PRKG1: variants seen among roughly 807,000 people sequenced by gnomAD.
PRKG1 encodes cGMP-dependent protein kinase 1.
PRKG1 carries 35 observed loss-of-function variants against 88.1 expected under a neutral mutation model. That is an observed-to-expected ratio of 0.40 (90% CI 0.30 to 0.53). PRKG1 has a LOEUF of 0.53. Among genes scored for constraint, PRKG1 ranks in the 20% least tolerant of loss-of-function variants. PRKG1 has a pLI of 0.59. For synonymous variants in PRKG1, 303 were observed against 292.5 expected, an observed-to-expected ratio of 1.04 and a Z score of -0.37; for missense variants, 540 against 839.8, an observed-to-expected ratio of 0.64 and a Z score of 4.41.
intron 3 of PRKG1, among the ~76,000 whole-genome samples, chr10:51,654,557 A>AAC (rs147782906): frequency 3.0e-3 from 458 of 151,408 alleles, no homozygotes; most frequent in South Asian, 4.2e-3. Context: ...AGGAAAGAAA[A>AAC]ACACACACAC....
chr10:51,738,710 A>T lies in PRKG1; in HGVS notation c.593-65875A>T, dbSNP rs936831272. Among the ~76,000 whole-genome samples, 3 of 152,266 alleles carry T rather than the reference A, an allele frequency of 2.0e-5. No individual in the cohort carries two copies. In the South Asian group the frequency reaches 6.2e-4, roughly 32 times the overall value. On this transcript the variant is annotated intron_variant, in intron 3 of 17. Coordinates refer to ENST00000373980, the MANE Select transcript of PRKG1 (RefSeq NM_006258.4). Reference sequence around the variant, plus strand: ...TCTGTGTCCCTTGGCAAATCATAGCATCTCTGGGACTCCATTTATTGGACT... The same window carrying T: ...TCTGTGTCCCTTGGCAAATCATAGCTTCTCTGGGACTCCATTTATTGGACT...
chr10:51,363,908 T>C (rs1222625156), intron 2 of PRKG1, among the ~76,000 whole-genome samples: 6 of 151,998 alleles, frequency 3.9e-5, no homozygotes, highest in Admixed American at 3.9e-4. Context: ...GCATACTAAA[T>C]AATAATCAAA....
At chr10:52,070,520 G>GT (rs201293219) in intron 7 of PRKG1, among the ~76,000 whole-genome samples, 115 of 151,854 alleles carry the variant, frequency 7.6e-4, no homozygotes, top group African/African-American at 2.5e-3. Flanking sequence ...TGAGAATGCA[G>GT]TTTTTTTTCA....
chr10:51,478,290 T>C (rs1359730141), intron 3 of PRKG1, among the ~76,000 whole-genome samples: 1 of 152,110 alleles, frequency 6.6e-6, no homozygotes, highest in African/African-American at 2.4e-5. Context: ...TATCTTAAGA[T>C]GCAGCCTGGA....
chr10:52,009,726 A>AG (rs1435491802), intron 5 of PRKG1, among the ~76,000 whole-genome samples: 2 of 152,200 alleles, frequency 1.3e-5, no homozygotes, highest in East Asian at 3.8e-4. Flanking sequence ...GGCAATCATA[A>AG]GGAAAAAGAA....
chr10:52,025,591 C>T (rs1050219745), intron 5 of PRKG1, among the ~76,000 whole-genome samples: 5 of 151,994 alleles, frequency 3.3e-5, no homozygotes, highest in African/African-American at 1.2e-4. Flanking sequence ...AGGTTCCTTT[C>T]CCCATTTCTT....
chr10:52,053,231 T>C (rs377396136), intron 5 of PRKG1, among the ~76,000 whole-genome samples: 4 of 112,286 alleles, frequency 3.6e-5, no homozygotes, highest in South Asian at 3.0e-4. Context: ...TAAGAAATAC[T>C]TTTTTATTTA....
intron 1 of PRKG1, among the ~76,000 whole-genome samples, chr10:51,058,584 AG>A (rs898746434): frequency 2.0e-5 from 3 of 152,132 alleles, no homozygotes; most frequent in African/African-American, 7.2e-5. Context: ...TTGCTTCTCT[AG>A]GTTTGTATAA....
chr10:51,423,438 G>A (rs1238486973), intron 2 of PRKG1, among the ~76,000 whole-genome samples: 1 of 151,884 alleles, frequency 6.6e-6, no homozygotes, highest in Non-Finnish European at 1.5e-5. Flanking sequence ...CCAAAAATAG[G>A]CATCTATCCT....
rs566028697 is a variant in PRKG1 at position 51,595,933 on chromosome 10, C to T, written c.592+128097C>T. Among the ~76,000 whole-genome samples, 67 of 152,114 alleles carry T rather than the reference C, an allele frequency of 4.4e-4. No homozygotes were observed. The East Asian group carries it at 6.6e-3, about 15-fold the overall frequency. On this transcript the variant is annotated intron_variant, in intron 3 of 17. Coordinates refer to ENST00000373980, the MANE Select transcript of PRKG1 (RefSeq NM_006258.4). ...CACTGCAACCTCTGCCGGATTCAAG[C>T]GATTCTCCTGCCTCAGACTCCTGTG...
intron 2 of PRKG1, among the ~76,000 whole-genome samples, chr10:51,354,910 ACAGTTATAGG>A (rs1472078930): frequency 6.6e-6 from 1 of 152,042 alleles, no homozygotes; most frequent in East Asian, 1.9e-4. Flanking sequence ...TCAGATGCTG[ACAGTTATAGG>A]GAGGACCCTC....
At chr10:52,184,492 G>A (rs1323973088) in intron 9 of PRKG1, among the ~76,000 whole-genome samples, 1 of 152,116 alleles carries the variant, frequency 6.6e-6, no homozygotes, top group Non-Finnish European at 1.5e-5. Flanking sequence ...TCATAGGCTT[G>A]TTTTATAAGC....
intron 1 of PRKG1, among the ~76,000 whole-genome samples, chr10:51,059,886 G>T (rs1421038905): frequency 1.3e-5 from 2 of 151,948 alleles, no homozygotes; most frequent in Non-Finnish European, 2.9e-5. Context: ...GCCTGCCTAG[G>T]TCTATCACTT....
At chr10:51,609,882 G>C (rs1184009063) in intron 3 of PRKG1, among the ~76,000 whole-genome samples, 1 of 152,102 alleles carries the variant, frequency 6.6e-6, no homozygotes, top group Non-Finnish European at 1.5e-5. Flanking sequence ...TATAGGTAAT[G>C]CATGCTGGGC....
chr10:51,814,707 A>C (rs1304377907), intron 4 of PRKG1, among the ~76,000 whole-genome samples: 1 of 152,150 alleles, frequency 6.6e-6, no homozygotes, highest in Non-Finnish European at 1.5e-5. Context: ...GTAAATCTAA[A>C]AGTGGCCATT....
chr10:51,473,725 G>A (rs1840114979), intron 3 of PRKG1, among the ~76,000 whole-genome samples: 1 of 151,078 alleles, frequency 6.6e-6, no homozygotes, highest in African/African-American at 2.4e-5. Context: ...TAATTTATGA[G>A]GAAATCTAAA....
At chr10:51,179,749 C>T (rs543035403) in intron 2 of PRKG1, among the ~76,000 whole-genome samples, 1 of 152,246 alleles carries the variant, frequency 6.6e-6, no homozygotes, top group South Asian at 2.1e-4. Context: ...CAAATGATAG[C>T]AGTGGAGAAG....
chr10:52,195,408 G>T (rs1839479101), intron 9 of PRKG1, among the ~76,000 whole-genome samples: 1 of 152,076 alleles, frequency 6.6e-6, no homozygotes, highest in Non-Finnish European at 1.5e-5. Flanking sequence ...AGTGATGTTG[G>T]TCCTAATAAT....
At chr10:51,898,845 T>C (rs1201704008) in intron 4 of PRKG1, among the ~76,000 whole-genome samples, 1 of 152,158 alleles carries the variant, frequency 6.6e-6, no homozygotes, top group African/African-American at 2.4e-5. Context: ...TAATATTTTT[T>C]TCTTTAAATG....
Sources: allele counts gnomAD v4.1 joint callset (sites outside exome capture counted in the v4.1 genomes callset), GRCh38; gene constraint gnomAD v4.1.1; transcripts MANE v1.5; gene names NCBI Gene and HGNC (gene_info 2026-07-23, HGNC 2026-07-21).